Variants in CLNK observed in about 807,000 individuals in gnomAD.
CLNK encodes the protein cytokine dependent hematopoietic cell linker, also known as cytokine-dependent hematopoietic cell linker.
Under a neutral mutation model 68.6 loss-of-function variants are expected in CLNK, and 74 were observed. The observed-to-expected ratio is 1.08, with a 90% CI of 0.89 to 1.31. The LOEUF (loss-of-function observed/expected upper bound fraction) is 1.31, where lower values mean the gene tolerates loss of function less well. CLNK is among the 50% of genes most tolerant of loss of function. The probability of loss-of-function intolerance (pLI) is 0.00; values close to 1 mark genes in which losing one functional copy is unlikely to be tolerated. For missense variants in CLNK, 553 were observed against 515.3 expected (o/e 1.07, Z -0.71); for synonymous variants, 198 against 172.2 (o/e 1.15, Z -1.17).
intron 8 of CLNK, among the ~76,000 whole-genome samples, chr4:10,553,517 T>A (rs1719544812): frequency 6.6e-6 from 1 of 152,052 alleles, no homozygotes; most frequent in South Asian, 2.1e-4. Flanking sequence ...AGTGGCGCAA[T>A]CTTGGCTCGC....
At chr4:10,525,746 T>C (rs1275136160) in intron 14 of CLNK, 95 bp downstream of exon 14, 4 of 697,494 alleles carry the variant, frequency 5.7e-6, no homozygotes, top group East Asian at 5.6e-5. Flanking sequence ...ACAAAGACTT[T>C]CGTTTCTCAG....
chr4:10,594,064 C>G (rs1358070096), intron 3 of CLNK, among the ~76,000 whole-genome samples: 1 of 152,200 alleles, frequency 6.6e-6, no homozygotes, highest in Non-Finnish European at 1.5e-5. Flanking sequence ...GTGCATGACA[C>G]AGGCTTATGA....
At chr4:10,694,623 T>C in the CLNK span, among the ~76,000 whole-genome samples, 386 of 152,258 alleles carry the variant, frequency 2.5e-3, 3 homozygotes, top group African/African-American at 8.7e-3. Flanking sequence ...TATTGTTTCC[T>C]AGGTTTGTGT....
At chr4:10,600,293 T>C (rs1306165781) in intron 2 of CLNK, among the ~76,000 whole-genome samples, 1 of 152,238 alleles carries the variant, frequency 6.6e-6, no homozygotes, top group Non-Finnish European at 1.5e-5. Flanking sequence ...TTTGAGTCCC[T>C]CTGGTACTTT....
At chr4:10,685,025 A>G (rs897265885), upstream of CLNK, 2 of 152,186 alleles carry the variant, frequency 1.3e-5, no homozygotes, top group Non-Finnish European at 2.9e-5. Flanking sequence ...CCAGAACACA[A>G]TAAAAGGAAC....
intron 11 of CLNK, among the ~76,000 whole-genome samples, chr4:10,537,698 C>CTTTCTTTCTTTCTTTCTTT (rs1560206954): frequency 2.1e-3 from 27 of 12,954 alleles, no homozygotes; most frequent in Non-Finnish European, 4.5e-3. Context: ...TTCCTTCCTT[C>CTTTCTTTCTTTCTTTCTTT]CTTCCTTCCT....
chr4:10,646,634 G>A (rs1157284912), intron 2 of CLNK, among the ~76,000 whole-genome samples: 3 of 152,136 alleles, frequency 2.0e-5, no homozygotes, highest in Non-Finnish European at 4.4e-5. Flanking sequence ...AGAGTGCGAC[G>A]TCCCAGCCAC....
chr4:10,685,420 A>C (rs1007820537), upstream of CLNK, among the ~76,000 whole-genome samples: 2 of 152,204 alleles, frequency 1.3e-5, no homozygotes, highest in African/African-American at 4.8e-5. Flanking sequence ...GTATTTCAAT[A>C]AATAAACAAA....
At chr4:10,585,231 G>A (rs917443274) in intron 3 of CLNK, among the ~76,000 whole-genome samples, 4 of 152,254 alleles carry the variant, frequency 2.6e-5, no homozygotes, top group African/African-American at 7.2e-5. Context: ...AGCTGTATAC[G>A]TACCTGAAGA....
Position 10,532,146 on chromosome 4 carries a change from A to G in CLNK, c.630+110T>C, listed in dbSNP as rs937792747. ...ATACTAATGCATTTTGAGCATAGCT[A>G]TTGTGAGAACTAAGTGTAAGTATCT... is the stretch of plus-strand genomic sequence containing the variant. On this transcript the variant is annotated intron_variant, in intron 12 of 18. Coordinates refer to ENST00000226951, the MANE Select transcript of CLNK (RefSeq NM_052964.4). The G allele has an allele frequency of 6.2e-6, 5 of 801,904 alleles. No individual in the cohort carries two copies. In the African/African-American group the frequency reaches 6.8e-5, roughly 11 times the overall value. 49.7% of individuals were successfully genotyped at this position (801,904 alleles called of 1,614,324 possible).
chr4:10,555,169 G>A (rs938424020), intron 8 of CLNK, among the ~76,000 whole-genome samples: 2 of 151,838 alleles, frequency 1.3e-5, no homozygotes, highest in Non-Finnish European at 2.9e-5. Context: ...ATCAGCTCGT[G>A]TTTCTGGATA....
the CLNK span, among the ~76,000 whole-genome samples, chr4:10,713,882 A>T: frequency 1.3e-5 from 2 of 152,202 alleles, no homozygotes; most frequent in Admixed American, 6.5e-5. Context: ...CAATTGTCAG[A>T]TCTCAGGTAT....
At chr4:10,634,446 T>C (rs754717552) in intron 2 of CLNK, among the ~76,000 whole-genome samples, 4 of 152,192 alleles carry the variant, frequency 2.6e-5, no homozygotes, top group Non-Finnish European at 5.9e-5. Context: ...TTAGTTCTCT[T>C]TATTTCATTT....
At chr4:10,510,138 C>T (rs1465643878) in intron 16 of CLNK, among the ~76,000 whole-genome samples, 1 of 152,112 alleles carries the variant, frequency 6.6e-6, no homozygotes, top group African/African-American at 2.4e-5. Flanking sequence ...TGTGTTTCTC[C>T]AGGTGTGATC....
At chr4:10,664,230 A>AAAAAAAAAAAGGAATGATTTAACAAGT (rs1724307397) in intron 2 of CLNK, among the ~76,000 whole-genome samples, 1 of 6,394 alleles carries the variant, frequency 1.6e-4, no homozygotes, top group Non-Finnish European at 5.0e-4. Context: ...ATTAACAAGT[A>AAAAAAAAAAAGGAATGATTTAACAAGT]AAAAAAAAAA....
At chr4:10,616,790 G>GTGTGTA (rs1369047138) in intron 2 of CLNK, among the ~76,000 whole-genome samples, 62 of 64,378 alleles carry the variant, frequency 9.6e-4, no homozygotes, top group African/African-American at 1.8e-3. Flanking sequence ...GTGTGTGTGT[G>GTGTGTA]TATATATATA....
chr4:10,637,842 T>G (rs573816378), intron 2 of CLNK, among the ~76,000 whole-genome samples: 1 of 151,652 alleles, frequency 6.6e-6, no homozygotes, highest in Non-Finnish European at 1.5e-5. Flanking sequence ...GAATTTGTGA[T>G]TCACCCGCCT....
intron 18 of CLNK, 88 bp downstream of exon 18, chr4:10,501,168 T>A: frequency 1.5e-6 from 2 of 1,340,122 alleles, no homozygotes; most frequent in South Asian, 1.6e-5. Flanking sequence ...CAGGGCGGCA[T>A]CCTCTTCCTC....
intron 2 of CLNK, among the ~76,000 whole-genome samples, chr4:10,664,942 C>G (rs572456619): frequency 1.3e-5 from 2 of 152,208 alleles, no homozygotes; most frequent in African/African-American, 4.8e-5. Flanking sequence ...AGGCCAGCAG[C>G]AATCCCATAC....
Sources: allele counts gnomAD v4.1 joint callset (sites outside exome capture counted in the v4.1 genomes callset), GRCh38; gene constraint gnomAD v4.1.1; transcripts MANE v1.5; gene names NCBI Gene and HGNC (gene_info 2026-07-23, HGNC 2026-07-21).